Variants in VWF observed in about 807,000 individuals in gnomAD.
The protein encoded by VWF is von Willebrand factor, also known as Factor VIII related antigen.
A neutral mutation model predicts 308.6 loss-of-function variants in VWF; 176 were observed. The ratio of observed to expected loss-of-function variants is 0.57; its 90% CI spans 0.50 to 0.65. The LOEUF (loss-of-function observed/expected upper bound fraction) is 0.65. Among genes scored for constraint, VWF ranks in the 30% least tolerant of loss-of-function variants. The pLI is 0.00. For missense variants in VWF, 3,146 were observed against 3,648.2 expected, an observed-to-expected ratio of 0.86 and a Z score of 3.55; for synonymous variants, 1,385 against 1,443.4, an observed-to-expected ratio of 0.96 and a Z score of 0.92.
intron 39 of VWF, 61 bp downstream of exon 39, chr12:5,985,502 G>A: frequency 6.5e-7 from 1 of 1,528,542 alleles, no homozygotes; most frequent in Non-Finnish European, 9.0e-7. Context: ...ATGGGTGGCT[G>A]GGGGGCCTTG....
chr12:6,019,158 G>A lies in VWF; in HGVS notation c.4260C>T (p.Ala1420=). 1 of 1,613,914 alleles carries A rather than the reference G, an allele frequency of 6.2e-7. No individual in the cohort carries two copies. Residue 1420 remains alanine, a synonymous_variant, in exon 28 of 52, where the codon GCC becomes GCT. Coordinates refer to ENST00000261405, the MANE Select transcript of VWF (RefSeq NM_000552.5). The surrounding 1 kb of genome is among the most constrained non-coding windows in gnomAD (Gnocchi z 5.8). ...CGATGAGGCGGATCTGCTTGAGGTT[G>A]GCATGGGGCCCAATGCCCACCGGGA... The part of the protein sequence containing the change: ...IVIPVGIGPH[A]NLKQIRLIEK...
At chr12:6,044,135 C>G (rs1264044552) in intron 18 of VWF, among the ~76,000 whole-genome samples, 156 bp downstream of exon 18, 1 of 147,186 alleles carries the variant, frequency 6.8e-6, no homozygotes, top group East Asian at 1.9e-4. Context: ...GACAGAAGAG[C>G]CTCCCCTCCT....
At chr12:6,101,470 A>C (rs1319546825) in intron 5 of VWF, among the ~76,000 whole-genome samples, 2 of 152,198 alleles carry the variant, frequency 1.3e-5, no homozygotes, top group East Asian at 3.8e-4. Flanking sequence ...TAAAGATTAA[A>C]AAAGGGATGA....
rs1345879425 is a variant in VWF, at chr12:5,969,489, C to T, written c.7549-98G>A. On this transcript the variant is annotated intron_variant, in intron 44 of 51. Transcript: ENST00000261405. ...TTCTCTCAGGAAGGTGGTTTCTAGA[C>T]GTGAAGCCTGGCTTAACATGTAAGT... The T allele has an allele frequency of 3.4e-5, 50 of 1,459,602 alleles. No individual in the cohort carries two copies. In the Admixed American group the frequency reaches 4.8e-4, roughly 14 times the overall value. The allele number at this position is 1,459,602 out of a possible 1,614,324, so 90.4% of individuals were successfully genotyped here.
chr12:5,993,808 A>T, intron 37 of VWF, 54 bp downstream of exon 37: 1 of 1,560,036 alleles, frequency 6.4e-7, no homozygotes, highest in Non-Finnish European at 8.8e-7. Flanking sequence ...AGAGAGGCTG[A>T]GCAAGCCCAG....
chr12:6,039,990 T>C (rs1944379652), intron 18 of VWF, among the ~76,000 whole-genome samples: 1 of 151,990 alleles, frequency 6.6e-6, no homozygotes, highest in East Asian at 1.9e-4. Flanking sequence ...GGTCTCAGAG[T>C]CAGGAGACCA....
chr12:5,973,123 T>C (rs1280308319), intron 43 of VWF, among the ~76,000 whole-genome samples: 2 of 152,186 alleles, frequency 1.3e-5, no homozygotes, highest in Non-Finnish European at 2.9e-5. Flanking sequence ...CAAATTTCCA[T>C]CTTTCTAAGA....
chr12:6,075,526 A>G lies in VWF; in HGVS notation c.683T>C (p.Leu228Pro), dbSNP rs1365311849. ...GCGGGCAAACACCGAGGTGCTCTTC[A>G]GAAGCTGGCACTGCTCCCACAGGCC... ...QKGLWEQCQL[L>P]KSTSVFARCH... Residue 228 changes from leucine (L) to proline (P), a missense_variant, in exon 7 of 52, where the codon CTG becomes CCG. By Grantham distance (98) the Leu-to-Pro change is moderately conservative. Transcript: ENST00000261405. This position sits in a 1 kb window ranked among gnomAD's most constrained non-coding sequence, Gnocchi z 4.7. The G allele has an allele frequency of 6.2e-7, 1 of 1,614,002 alleles. No individual in the cohort carries two copies. The highest frequency in any genetic ancestry group is 8.5e-7 in the Non-Finnish European group (1 of 1,179,972).
At chr12:6,103,970 G>A (rs1945212488) in intron 5 of VWF, among the ~76,000 whole-genome samples, 1 of 152,178 alleles carries the variant, frequency 6.6e-6, no homozygotes, top group Non-Finnish European at 1.5e-5. Flanking sequence ...CATCAACAGA[G>A]TGAAGAGACA....
At chr12:5,983,997 T>TAGATAGAC (rs1422117903) in intron 40 of VWF, among the ~76,000 whole-genome samples, 2 of 116,940 alleles carry the variant, frequency 1.7e-5, no homozygotes. Flanking sequence ...GATAGATAGA[T>TAGATAGAC]AGATAGATAG....
At chr12:6,057,728 C>T (rs1162820788) in intron 14 of VWF, 121 bp downstream of exon 14, 2 of 1,207,574 alleles carry the variant, frequency 1.7e-6, no homozygotes, top group Non-Finnish European at 2.3e-6. Flanking sequence ...AAAGCCCGAC[C>T]CCTTTCCTCG....
intron 16 of VWF, among the ~76,000 whole-genome samples, chr12:6,048,044 G>C (rs1484165450): frequency 1.3e-5 from 2 of 152,240 alleles, no homozygotes; most frequent in African/African-American, 4.8e-5. Context: ...TACAAAAGCA[G>C]ATGAGGCCCC....
intron 5 of VWF, among the ~76,000 whole-genome samples, chr12:6,097,375 T>C (rs1282931545): frequency 1.3e-5 from 2 of 152,072 alleles, no homozygotes; most frequent in Non-Finnish European, 2.9e-5. Context: ...AGGCGAAGAC[T>C]ACAGTGAGCC....
At chr12:6,051,165 A>G (rs1944505089) in intron 16 of VWF, among the ~76,000 whole-genome samples, 1 of 152,172 alleles carries the variant, frequency 6.6e-6, no homozygotes, top group Non-Finnish European at 1.5e-5. Flanking sequence ...AATAGACAAA[A>G]TAAGAATGGT....
intron 6 of VWF, among the ~76,000 whole-genome samples, chr12:6,089,417 G>GT (rs1430048851): frequency 1.3e-5 from 2 of 152,222 alleles, no homozygotes; most frequent in Non-Finnish European, 2.9e-5. Context: ...CTGGTACCCA[G>GT]TTTTTTCAGC....
chr12:6,046,641 A>C lies in VWF; in HGVS notation c.2281+82T>G, dbSNP rs998005633. The C allele has an allele frequency of 1.5e-6, 2 of 1,366,616 alleles. No homozygotes were observed. The allele number at this position is 1,366,616 out of a possible 1,614,324, so 84.7% of individuals were successfully genotyped here. On this transcript the variant is annotated intron_variant, in intron 17 of 51. Transcript: ENST00000261405. This position sits in a 1 kb window ranked among gnomAD's most constrained non-coding sequence, Gnocchi z 5.0. ...GTGCACACGCACATCTGACGGTGTC[A>C]CCCAGCTCTCTCCCGCCATTCCACA...
rs1565847540 is a variant in VWF, at chr12:6,058,041, A to C, written c.1537T>G (p.Ser513Ala). 1 of 1,613,052 alleles carries C rather than the reference A, an allele frequency of 6.2e-7. No individual in the cohort carries two copies. The highest frequency in any genetic ancestry group is 1.7e-5 in the Admixed American group (1 of 60,018). The change falls in exon 14 of 52, where the codon TCC becomes GCC. Residue 513 changes from serine (S) to alanine (A), a missense_variant. Around this residue, in one of 3 missense-constraint regions of VWF, gnomAD observed 1,304 missense variants for 1,353.0 expected, o/e 0.96. Coordinates refer to ENST00000261405, the MANE Select transcript of VWF (RefSeq NM_000552.5). This position sits in a 1 kb window ranked among gnomAD's most constrained non-coding sequence, Gnocchi z 4.9. ...DGRGRLLVKL[S>A]PVYAGKTCGL... ...CAGGTCTTCCCGGCATAGACGGGGG[A>C]CAGCTGCAGGAGAGACCAGGCCACT...
intron 35 of VWF, 30 bp from the exon 36 acceptor site, chr12:5,994,637 G>A (rs1354058953): frequency 1.9e-6 from 3 of 1,608,852 alleles, no homozygotes; most frequent in Non-Finnish European, 2.6e-6. Context: ...CTCATCCGTA[G>A]TCCTAGCAAT....
At chr12:6,083,838 C>T (rs1220522245) in intron 6 of VWF, among the ~76,000 whole-genome samples, 1 of 152,180 alleles carries the variant, frequency 6.6e-6, no homozygotes, top group East Asian at 1.9e-4. Flanking sequence ...TGTGCAACCT[C>T]CACCAAGTGT....
Sources: gnomAD v4.1 joint callset for allele counts (sites outside exome capture counted in the v4.1 genomes callset) on GRCh38, gnomAD v4.1.1 for gene constraint, gnomAD v4.1.1 regional missense constraint, Gnocchi (gnomAD v3.1) non-coding constraint, MANE v1.5 for transcripts, NCBI Gene and HGNC (gene_info 2026-07-23, HGNC 2026-07-21) for gene names.